GRM7: variants seen among roughly 807,000 people sequenced by gnomAD.
GRM7 encodes the protein glutamate metabotropic receptor 7, also known as metabotropic glutamate receptor 7.
In GRM7, 35 loss-of-function variants were observed where a neutral mutation model predicts 84.5. That is an observed-to-expected ratio of 0.41 (90% CI 0.32 to 0.55). GRM7 has a LOEUF of 0.55. Ranked by LOEUF, GRM7 falls within the 20% of genes least tolerant of loss-of-function variation. The pLI is 0.19. For synonymous variants in GRM7, 487 were observed against 455.1 expected, an observed-to-expected ratio of 1.07 and a Z score of -0.89; for missense variants, 1,003 against 1,194.6, an observed-to-expected ratio of 0.84 and a Z score of 2.36.
chr3:7,739,128 G>A (rs1702605256), intron 9 of GRM7, among the ~76,000 whole-genome samples: 1 of 152,162 alleles, frequency 6.6e-6, no homozygotes, highest in Admixed American at 6.5e-5. Context: ...AAACAAAAAT[G>A]AGGCTTCAAG....
intron 8 of GRM7, among the ~76,000 whole-genome samples, chr3:7,624,666 A>C (rs111529967): frequency 3.3e-5 from 5 of 152,260 alleles, no homozygotes; most frequent in African/African-American, 1.2e-4. Flanking sequence ...TTGTTATGAA[A>C]ATTTAATAAT....
intron 2 of GRM7, among the ~76,000 whole-genome samples, chr3:7,159,315 T>A (rs1296750523): frequency 1.3e-5 from 2 of 152,176 alleles, no homozygotes; most frequent in Non-Finnish European, 2.9e-5. Flanking sequence ...AGGGCAAGAA[T>A]ATTACCTGGC....
chr3:7,561,596 A>G (rs1290241013), intron 7 of GRM7: 6 of 456,212 alleles, frequency 1.3e-5, no homozygotes, highest in African/African-American at 1.2e-4. Context: ...TTGTTTGAGG[A>G]AAAAGCTACT....
rs141330905 is a variant in GRM7 at position 6,927,455 on chromosome 3, AAG to A, written c.519+65558_519+65559del. Among the ~76,000 whole-genome samples, 23 of 101,684 alleles carry A rather than the reference AAG, an allele frequency of 2.3e-4. 1 individual carries two copies. The highest frequency in any genetic ancestry group is 7.3e-4 in the African/African-American group (20 of 27,478). The allele number at this position is 101,684 out of a possible 152,430, so 66.7% of individuals were successfully genotyped here. Reference sequence around the variant, plus strand: ...AAAGAAAGAAGAAAGAGAAGAAAGAAAGAGAGAGAGAAAGAAAGAAAGAAAGA... The same window carrying A: ...AAAGAAAGAAGAAAGAGAAGAAAGAAAGAGAGAGAAAGAAAGAAAGAAAGA... On this transcript the variant is annotated intron_variant, in intron 1 of 9. Coordinates refer to ENST00000357716, the MANE Select transcript of GRM7 (RefSeq NM_000844.4).
rs771127444 is a variant in GRM7 at position 7,578,864 on chromosome 3, C to G, written c.1958C>G (p.Ala653Gly). ...TFLMIAKPDV[A>G]VCSFRRVFLG... ...CTGATGATTGCCAAACCAGATGTGG[C>G]AGTGTGTTCTTTCCGGCGAGTTTTC... Residue 653 changes from alanine (A) to glycine (G), a missense_variant, in exon 8 of 10, where the codon GCA becomes GGA. Ala to Gly is a moderately conservative substitution (Grantham distance 60). Transcript: ENST00000357716. 4 of 1,614,106 alleles carry G rather than the reference C, an allele frequency of 2.5e-6. 1 individual carries two copies. In the South Asian group the frequency reaches 4.4e-5, roughly 18 times the overall value.
intron 4 of GRM7, among the ~76,000 whole-genome samples, chr3:7,371,095 G>T (rs759663582): frequency 7.9e-5 from 12 of 152,124 alleles, no homozygotes; most frequent in Non-Finnish European, 1.8e-4. Flanking sequence ...GGAATCTACT[G>T]TAGGTCACTG....
At chr3:7,511,431 GTGCACCACAGACATTGTGAC>G (rs577604340) in intron 7 of GRM7, among the ~76,000 whole-genome samples, 20 of 152,072 alleles carry the variant, frequency 1.3e-4, no homozygotes, top group South Asian at 4.1e-4. Context: ...ACAGTGGTGA[GTGCACCACAGACATTGTGAC>G]TGCACCACAG....
At chr3:7,678,580 A>T (rs1294095856) in intron 8 of GRM7, among the ~76,000 whole-genome samples, 1 of 152,214 alleles carries the variant, frequency 6.6e-6, no homozygotes, top group Non-Finnish European at 1.5e-5. Flanking sequence ...TATGAACTTT[A>T]AAAATATGAA....
intron 1 of GRM7, among the ~76,000 whole-genome samples, chr3:7,017,522 G>A (rs549820356): frequency 6.6e-6 from 1 of 152,318 alleles, no homozygotes; most frequent in South Asian, 2.1e-4. Flanking sequence ...TAGATGCTCA[G>A]AAGTAAGTAT....
chr3:7,521,662 A>G (rs2124991548), intron 7 of GRM7, among the ~76,000 whole-genome samples: 1 of 152,254 alleles, frequency 6.6e-6, no homozygotes. Flanking sequence ...ATCCCTCCAC[A>G]TGACATACTG....
chr3:7,610,630 A>G lies in GRM7; in HGVS notation c.2451+31273A>G, dbSNP rs573922758. Among the ~76,000 whole-genome samples the G allele has an allele frequency of 2.3e-4, 35 of 152,312 alleles. No homozygotes were observed. In the South Asian group the frequency reaches 6.6e-3, roughly 29 times the overall value. ...ACCAGGAAAAACATCAGCTATTGCA[A>G]AGGTGGCAAAATGGATTAGGTATGA... On this transcript the variant is annotated intron_variant, in intron 8 of 9. Transcript: ENST00000357716.
chr3:7,580,143 G>T (rs113985501), intron 8 of GRM7, among the ~76,000 whole-genome samples: 111 of 152,324 alleles, frequency 7.3e-4, no homozygotes, highest in African/African-American at 2.4e-3. Context: ...CTACGGTGTT[G>T]ATTCTAGACA....
At chr3:7,497,543 G>C (rs567646849) in intron 7 of GRM7, among the ~76,000 whole-genome samples, 5 of 152,274 alleles carry the variant, frequency 3.3e-5, no homozygotes, top group African/African-American at 1.2e-4. Context: ...TTTTCTTACA[G>C]ATTACATGTT....
At chr3:7,534,205 G>T (rs529714131) in intron 7 of GRM7, among the ~76,000 whole-genome samples, 1 of 151,880 alleles carries the variant, frequency 6.6e-6, no homozygotes, top group Non-Finnish European at 1.5e-5. Flanking sequence ...GTACAGACAG[G>T]GTTTCAACAT....
intron 8 of GRM7, among the ~76,000 whole-genome samples, chr3:7,671,304 C>G (rs917280156): frequency 1.3e-5 from 2 of 151,948 alleles, no homozygotes; most frequent in Non-Finnish European, 2.9e-5. Flanking sequence ...GAACTCTAAA[C>G]TTTTCCAAGG....
intron 1 of GRM7, among the ~76,000 whole-genome samples, chr3:7,031,583 A>AT (rs1212177401): frequency 6.6e-6 from 1 of 151,606 alleles, no homozygotes; most frequent in Non-Finnish European, 1.5e-5. Flanking sequence ...CGCCCAGCTA[A>AT]TTTTTTGTAT....
intron 1 of GRM7, among the ~76,000 whole-genome samples, chr3:7,020,795 C>G (rs538776735): frequency 1.3e-5 from 2 of 152,068 alleles, no homozygotes; most frequent in African/African-American, 2.4e-5. Flanking sequence ...ATGCACAATC[C>G]TCTACTTACT....
At chr3:7,331,305 A>G (rs1439058071) in intron 4 of GRM7, among the ~76,000 whole-genome samples, 4 of 152,226 alleles carry the variant, frequency 2.6e-5, no homozygotes, top group Admixed American at 6.5e-5. Context: ...TGATCAAAAG[A>G]GTGTCATGAT....
intron 8 of GRM7, among the ~76,000 whole-genome samples, chr3:7,642,210 C>G (rs558279326): frequency 6.9e-4 from 105 of 152,124 alleles, no homozygotes; most frequent in African/African-American, 2.5e-3. Flanking sequence ...GCAAACTTCC[C>G]GGAGCTACCA....
Sources: gnomAD v4.1 joint callset for allele counts (sites outside exome capture counted in the v4.1 genomes callset) on GRCh38, gnomAD v4.1.1 for gene constraint, MANE v1.5 for transcripts, NCBI Gene and HGNC (gene_info 2026-07-23, HGNC 2026-07-21) for gene names.